GALNT8: variants seen among roughly 807,000 people sequenced by gnomAD.
GALNT8 encodes polypeptide N-acetylgalactosaminyltransferase 8.
In GALNT8, 66 loss-of-function variants were observed where a neutral mutation model predicts 62.7. That is an observed-to-expected ratio of 1.05 (90% CI 0.86 to 1.29). GALNT8 has a LOEUF of 1.29. GALNT8 is among the 50% of genes most tolerant of loss of function. The pLI, the probability that GALNT8 is intolerant of heterozygous loss-of-function variation, is 0.00. For synonymous variants in GALNT8, 288 were observed against 294.3 expected (o/e 0.98, Z 0.22); for missense variants, 771 against 791.8 (o/e 0.97, Z 0.32).
At chr12:4,755,290 C>T (rs959423802) in intron 6 of GALNT8, among the ~76,000 whole-genome samples, 1 of 152,204 alleles carries the variant, frequency 6.6e-6, no homozygotes, top group Non-Finnish European at 1.5e-5. Flanking sequence ...TCAGTGATTT[C>T]CCTCTGGCTG....
At chr12:4,762,353 G>T (rs1274473222) in intron 7 of GALNT8, among the ~76,000 whole-genome samples, 1 of 152,186 alleles carries the variant, frequency 6.6e-6, no homozygotes, top group Non-Finnish European at 1.5e-5. Flanking sequence ...GAAAATTCTG[G>T]GAAGAGGGCA....
chr12:4,750,476 A>ACT (rs1946317679), intron 6 of GALNT8, among the ~76,000 whole-genome samples: 2 of 152,296 alleles, frequency 1.3e-5, no homozygotes, highest in African/African-American at 4.8e-5. Context: ...TAGTTTGCTA[A>ACT]GGATAATGGC....
rs1946162470 is a variant in GALNT8 at position 4,720,723 on chromosome 12, ACT to A, written c.49_50del (p.Leu17GlyfsTer12). 1.2e-6 allele frequency: 2 copies of A among 1,613,824 alleles called. No homozygotes were observed. The highest frequency in any genetic ancestry group is 1.7e-6 in the Non-Finnish European group (2 of 1,179,776). ...CCCCAAAGCCCTCTTCATTGGGCTG[ACT>A]CTGGCCATTGCTGTCAATCTCCTTC... ...KLPKALFIGLTLAIAVNLLLV... is the reference protein window; with the variant it reads ...KLPKALFIGLXLAIAVNLLLV... On this transcript the variant is annotated frameshift_variant, in exon 1 of 11. Coordinates refer to ENST00000252318, the MANE Select transcript of GALNT8 (RefSeq NM_017417.2). LOFTEE classifies it high-confidence loss of function.
intron 2 of GALNT8, among the ~76,000 whole-genome samples, chr12:4,728,984 C>T (rs1946208671): frequency 6.6e-6 from 1 of 152,124 alleles, no homozygotes; most frequent in African/African-American, 2.4e-5. Context: ...TTAGATCTTC[C>T]AATCCACGGC....
chr12:4,737,143 TAAC>T (rs371641935), intron 2 of GALNT8, among the ~76,000 whole-genome samples: 19 of 152,304 alleles, frequency 1.2e-4, no homozygotes, highest in African/African-American at 4.1e-4. Flanking sequence ...CACTGTATCC[TAAC>T]AACAAGTAAA....
chr12:4,770,478 A>T (rs554017217), intron 10 of GALNT8, among the ~76,000 whole-genome samples: 2 of 152,236 alleles, frequency 1.3e-5, no homozygotes, highest in South Asian at 4.2e-4. Flanking sequence ...GACTTTGTCT[A>T]AAAGGTCACA....
intron 3 of GALNT8, among the ~76,000 whole-genome samples, chr12:4,740,998 G>A (rs1289450454): frequency 6.6e-6 from 1 of 152,116 alleles, no homozygotes; most frequent in East Asian, 1.9e-4. Context: ...TATTAATTTT[G>A]TGCAACAAAT....
At chr12:4,755,689 A>G (rs1946341464) in intron 6 of GALNT8, among the ~76,000 whole-genome samples, 1 of 151,814 alleles carries the variant, frequency 6.6e-6, no homozygotes, top group African/African-American at 2.4e-5. Flanking sequence ...ACTTCTCCCA[A>G]CCTGAATTTT....
chr12:4,727,937 G>T (rs1001771529), intron 2 of GALNT8, among the ~76,000 whole-genome samples: 1 of 152,268 alleles, frequency 6.6e-6, no homozygotes, highest in African/African-American at 2.4e-5. Context: ...TCAAAGAACT[G>T]CCAGGTGGTT....
At chr12:4,745,178 A>G (rs1420973858) in intron 4 of GALNT8, among the ~76,000 whole-genome samples, 8 of 152,162 alleles carry the variant, frequency 5.3e-5, no homozygotes, top group Non-Finnish European at 1.0e-4. Context: ...CTGCTTCACA[A>G]CGGCCTGGGG....
At position 4,726,463 on chromosome 12, in the gene GALNT8, A is replaced by T; in HGVS notation, c.212-69A>T. 9.5e-7 allele frequency: 1 copy of T among 1,055,230 alleles called. No homozygotes were observed. Among genetic ancestry groups the T allele is most frequent in the Non-Finnish European group, 1.4e-6 (1 of 712,688 alleles). The allele number at this position is 1,055,230 out of a possible 1,614,324, so 65.4% of individuals were successfully genotyped here. On this transcript the variant is annotated intron_variant, in intron 1 of 10. Coordinates refer to ENST00000252318, the MANE Select transcript of GALNT8 (RefSeq NM_017417.2). This position sits in a 1 kb window ranked among gnomAD's most constrained non-coding sequence, Gnocchi z 4.1. Reference sequence around the variant, plus strand: ...ACCGTTAGAGGAAATTAGGATGGAAAGGAATACCCAGGTAACTAAGGAGGG... The same window carrying T: ...ACCGTTAGAGGAAATTAGGATGGAATGGAATACCCAGGTAACTAAGGAGGG...
chr12:4,747,333 C>T (rs149713265), intron 6 of GALNT8, among the ~76,000 whole-genome samples: 155 of 152,186 alleles, frequency 1.0e-3, no homozygotes, highest in African/African-American at 3.2e-3. Flanking sequence ...TTCTTTGTGA[C>T]TATTATTTTT....
Position 4,761,076 on chromosome 12 carries a change from G to A in GALNT8, c.1292G>A (p.Arg431Gln), listed in dbSNP as rs766971985. Reference protein sequence around the residue: ...LTAALKRNALRVAEIWMDEHK... With the variant: ...LTAALKRNALQVAEIWMDEHK... ...GCTGCCTTGAAGCGCAATGCTCTGCGAGTGGCCGAAATCTGGATGGATGAG... is the reference window on the plus strand; with the variant it reads ...GCTGCCTTGAAGCGCAATGCTCTGCAAGTGGCCGAAATCTGGATGGATGAG... The change falls in exon 7 of 11, where the codon CGA (arginine) becomes CAA (glutamine). Residue 431 changes from arginine to glutamine, a missense_variant. Transcript: ENST00000252318. The A allele has an allele frequency of 3.5e-5, 57 of 1,613,964 alleles. No individual in the cohort carries two copies. The highest frequency in any genetic ancestry group is 3.3e-4 in the Middle Eastern group (2 of 6,084).
intron 2 of GALNT8, among the ~76,000 whole-genome samples, chr12:4,737,954 C>T (rs1041766670): frequency 1.7e-4 from 26 of 152,188 alleles, no homozygotes; most frequent in African/African-American, 5.8e-4. Flanking sequence ...ATAAGTTACC[C>T]AGTCTCAGGT....
intron 2 of GALNT8, among the ~76,000 whole-genome samples, chr12:4,734,389 A>T (rs904732807): frequency 1.3e-5 from 2 of 152,170 alleles, no homozygotes; most frequent in Non-Finnish European, 2.9e-5. Context: ...CCTACTGATG[A>T]GAGGCTGCAC....
At chr12:4,742,797 G>T (rs1946277957) in intron 3 of GALNT8, among the ~76,000 whole-genome samples, 1 of 152,172 alleles carries the variant, frequency 6.6e-6, no homozygotes, top group Non-Finnish European at 1.5e-5. Context: ...GAAGCGCCCT[G>T]AGCTGACCAG....
At chr12:4,751,835 G>A (rs1386663365) in intron 6 of GALNT8, among the ~76,000 whole-genome samples, 3 of 152,254 alleles carry the variant, frequency 2.0e-5, no homozygotes, top group East Asian at 1.9e-4. Flanking sequence ...TCTGTCCAGT[G>A]CTGAAAATAG....
At chr12:4,759,904 C>T (rs1946363969) in intron 6 of GALNT8, among the ~76,000 whole-genome samples, 1 of 152,120 alleles carries the variant, frequency 6.6e-6, no homozygotes, top group African/African-American at 2.4e-5. Context: ...ATAATATTTT[C>T]TAAGCTCAAT....
At chr12:4,729,620 T>C (rs1172910487) in intron 2 of GALNT8, among the ~76,000 whole-genome samples, 3 of 152,154 alleles carry the variant, frequency 2.0e-5, no homozygotes, top group Non-Finnish European at 4.4e-5. Context: ...TTCCTTCTTT[T>C]TTTGTGGCTG....
Sources: gnomAD v4.1 joint callset for allele counts (sites outside exome capture counted in the v4.1 genomes callset) on GRCh38, gnomAD v4.1.1 for gene constraint, Gnocchi (gnomAD v3.1) non-coding constraint, MANE v1.5 for transcripts, NCBI Gene and HGNC (gene_info 2026-07-23, HGNC 2026-07-21) for gene names.